AFAP1L2: variants seen among roughly 807,000 people sequenced by gnomAD.
AFAP1L2 encodes actin filament associated protein 1 like 2.
In AFAP1L2, 46 loss-of-function variants were observed where a neutral mutation model predicts 99.3. The observed-to-expected ratio is 0.46, with a 90% CI of 0.37 to 0.59. The LOEUF (loss-of-function observed/expected upper bound fraction) is 0.59. Among genes scored for constraint, AFAP1L2 ranks in the 20% least tolerant of loss-of-function variants. The pLI, the probability that AFAP1L2 is intolerant of heterozygous loss-of-function variation, is 0.00. For missense variants in AFAP1L2, 959 were observed against 1,034.9 expected, an observed-to-expected ratio of 0.93 and a Z score of 1.01; for synonymous variants, 397 against 419.1, an observed-to-expected ratio of 0.95 and a Z score of 0.64.
intron 1 of AFAP1L2, among the ~76,000 whole-genome samples, chr10:114,360,521 A>ATAGTTAGT (rs1554937766): frequency 6.9e-6 from 1 of 145,802 alleles, no homozygotes; most frequent in African/African-American, 2.7e-5. Context: ...AGATAGATAG[A>ATAGTTAGT]TAGATAGATA....
chr10:114,314,003 T>A lies in AFAP1L2; in HGVS notation c.660A>T (p.Leu220=), dbSNP rs751192996. 1 of 1,613,946 alleles carries A rather than the reference T, an allele frequency of 6.2e-7. No homozygotes were observed. The highest frequency in any genetic ancestry group is 2.2e-5 in the East Asian group (1 of 44,838). ...CCTTGTGAATGACGCTGCTGCCCAGTAGGTTCACGTCCAGCTGAGGGCTGT... is the reference window on the plus strand; with the variant it reads ...CCTTGTGAATGACGCTGCTGCCCAGAAGGTTCACGTCCAGCTGAGGGCTGT... ...KDHSPQLDVN[L]LGSSVIHKEK... Residue 220 remains leucine (L), a synonymous_variant, in exon 7 of 19, where the codon CTA becomes CTT. Transcript: ENST00000304129.
intron 5 of AFAP1L2, among the ~76,000 whole-genome samples, chr10:114,318,642 C>G (rs1375780223): frequency 6.7e-6 from 1 of 149,728 alleles, no homozygotes; most frequent in African/African-American, 2.4e-5. Flanking sequence ...ACTCAGGAGG[C>G]TGAGGCAGGA....
intron 2 of AFAP1L2, among the ~76,000 whole-genome samples, chr10:114,334,721 G>A (rs1047692430): frequency 2.0e-5 from 3 of 152,204 alleles, no homozygotes; most frequent in Non-Finnish European, 4.4e-5. Context: ...GGAGTGAACC[G>A]GAACTCACAG....
chr10:114,283,064 C>A, the AFAP1L2 span, among the ~76,000 whole-genome samples: 1 of 152,170 alleles, frequency 6.6e-6, no homozygotes, highest in Non-Finnish European at 1.5e-5. Context: ...GAGGAATCAT[C>A]GATGCCATTA....
chr10:114,400,601 T>TG (rs1554968026), intron 1 of AFAP1L2, among the ~76,000 whole-genome samples: 18 of 152,218 alleles, frequency 1.2e-4, no homozygotes, highest in East Asian at 5.8e-4. Flanking sequence ...CGTGTGAGTA[T>TG]CGGGGGGGCA....
chr10:114,374,188 C>G (rs556208394), intron 1 of AFAP1L2, among the ~76,000 whole-genome samples: 2 of 152,254 alleles, frequency 1.3e-5, no homozygotes, highest in South Asian at 4.2e-4. Flanking sequence ...TACATGTTCA[C>G]CCCTTAAATC....
the AFAP1L2 span, chr10:114,286,228 G>A: frequency 1.0e-4 from 163 of 1,613,302 alleles, no homozygotes; most frequent in Admixed American, 1.8e-4. Flanking sequence ...TGCGGCAGGC[G>A]GCAGAGCGTG....
rs529927024 is a variant in AFAP1L2 at position 114,402,122 on chromosome 10, C to T, written c.16+2318G>A. On this transcript the variant is annotated intron_variant, in intron 1 of 18. Transcript: ENST00000304129. ...GCCCAACTAAATAAACCTGCTTTTT[C>T]CGTTTAACTTTGTTGTTTAAACCAC... Among the ~76,000 whole-genome samples the T allele has an allele frequency of 8.9e-4, 136 of 152,266 alleles. 2 individuals carry two copies. The highest frequency in any genetic ancestry group is 6.8e-3 in the Middle Eastern group (2 of 294).
intron 5 of AFAP1L2, among the ~76,000 whole-genome samples, chr10:114,321,215 T>C (rs1469734062): frequency 1.3e-5 from 2 of 152,318 alleles, no homozygotes; most frequent in East Asian, 3.9e-4. Context: ...ATTCGAGTGG[T>C]GTACACTGTA....
chr10:114,331,750 G>A (rs181607839), intron 4 of AFAP1L2, 53 bp downstream of exon 4: 3 of 1,239,410 alleles, frequency 2.4e-6, no homozygotes, highest in Admixed American at 4.1e-5. Context: ...GAGACAACTG[G>A]AAGTTCAAGG....
downstream of AFAP1L2, chr10:114,290,459 C>A: frequency 6.7e-7 from 1 of 1,497,046 alleles, no homozygotes; most frequent in Non-Finnish European, 9.0e-7. Flanking sequence ...GGTTCTAAAA[C>A]ATTCGTTCAG....
rs527458952 is a variant in AFAP1L2 at position 114,337,524 on chromosome 10, G to A, written c.145+3079C>T. Among the ~76,000 whole-genome samples the A allele has an allele frequency of 3.9e-5, 6 of 152,340 alleles. No homozygotes were observed. In the East Asian group the frequency reaches 5.8e-4, roughly 15 times the overall value. ...TGTGGCTGTGCATGGGTGGCACTCT[G>A]GAGGTGATTCACCTTGGGGAACCCA... On this transcript the variant is annotated intron_variant, in intron 2 of 18. Coordinates refer to ENST00000304129, the MANE Select transcript of AFAP1L2 (RefSeq NM_001001936.3).
chr10:114,307,985 C>T lies in AFAP1L2; in HGVS notation c.968-76G>A, dbSNP rs1590015482. On this transcript the variant is annotated intron_variant, in intron 9 of 18. Transcript: ENST00000304129. ...TGCCCATGAGAGATGGAAAAAATAG[C>T]AAACCCATTTCCACTCCATCCACCC... The T allele has an allele frequency of 9.1e-6, 12 of 1,311,768 alleles. No individual in the cohort carries two copies. In the Middle Eastern group the frequency reaches 7.2e-4, roughly 79 times the overall value. The allele number at this position is 1,311,768 out of a possible 1,614,324, so 81.3% of individuals were successfully genotyped here.
intron 12 of AFAP1L2, 26 bp downstream of exon 12, chr10:114,302,313 A>T (rs1020038609): frequency 6.2e-7 from 1 of 1,613,918 alleles, no homozygotes; most frequent in African/African-American, 1.3e-5. Context: ...AAGAGAGTGT[A>T]CGGAGGAAGG....
Position 114,294,838 on chromosome 10 carries a change from A to T in AFAP1L2, c.*1204T>A. The stretch of plus-strand genomic sequence containing the variant: ...CTGAGGAAAACTTCAAATACAATGA[A>T]CATTTTATTTTAAAAAACCTAACTA... On this transcript the variant is annotated 3_prime_UTR_variant, in exon 19 of 19. Transcript: ENST00000304129. 1.1e-6 allele frequency: 1 copy of T among 941,028 alleles called. No homozygotes were observed. 58.3% of individuals were successfully genotyped at this position (941,028 alleles called of 1,614,324 possible).
chr10:114,303,855 T>A (rs549357204), intron 11 of AFAP1L2, among the ~76,000 whole-genome samples: 8 of 152,308 alleles, frequency 5.3e-5, no homozygotes, highest in Admixed American at 2.0e-4. Context: ...CTCCAGCCTG[T>A]CACCCAGACC....
At chr10:114,288,470 C>T in the AFAP1L2 span, among the ~76,000 whole-genome samples, 1 of 152,226 alleles carries the variant, frequency 6.6e-6, no homozygotes, top group Non-Finnish European at 1.5e-5. Flanking sequence ...GGGTTGCCCA[C>T]AAACCCAAAC....
chr10:114,367,740 G>C (rs1023112517), intron 1 of AFAP1L2, among the ~76,000 whole-genome samples: 1 of 152,160 alleles, frequency 6.6e-6, no homozygotes, highest in African/African-American at 2.4e-5. Flanking sequence ...CGGGCAGAGG[G>C]GGTGGAAGAG....
chr10:114,327,568 G>T (rs181384707), intron 4 of AFAP1L2, among the ~76,000 whole-genome samples: 1 of 152,092 alleles, frequency 6.6e-6, no homozygotes, highest in Admixed American at 6.6e-5. Context: ...CCAGAGGGCC[G>T]CAAATCTTTT....
Sources: gnomAD v4.1 joint callset for allele counts (sites outside exome capture counted in the v4.1 genomes callset) on GRCh38, gnomAD v4.1.1 for gene constraint, MANE v1.5 for transcripts, NCBI Gene and HGNC (gene_info 2026-07-23, HGNC 2026-07-21) for gene names.